The following TMOD1 variants were observed in gnomAD, a reference collection of about 807,000 sequenced individuals.
The protein encoded by TMOD1 is tropomodulin 1, also known as tropomodulin-1.
A neutral mutation model predicts 40.6 loss-of-function variants in TMOD1; 17 were observed. That is an observed-to-expected ratio of 0.42 (90% CI 0.29 to 0.63). The LOEUF (loss-of-function observed/expected upper bound fraction) is 0.63. Among genes scored for constraint, TMOD1 ranks in the 20% least tolerant of loss-of-function variants. The probability of loss-of-function intolerance (pLI) is 0.22; values close to 1 mark genes in which losing one functional copy is unlikely to be tolerated. For missense variants in TMOD1, 391 were observed against 447.6 expected, an observed-to-expected ratio of 0.87 and a Z score of 1.14; for synonymous variants, 181 against 175.0, an observed-to-expected ratio of 1.03 and a Z score of -0.27.
At chr9:97,571,792 T>C (rs778548487) in intron 8 of TMOD1, among the ~76,000 whole-genome samples, 41 of 152,356 alleles carry the variant, frequency 2.7e-4, no homozygotes, top group African/African-American at 9.1e-4. Flanking sequence ...TGGTTTCATG[T>C]GATGTCAGCC....
At chr9:97,511,587 CTTGTTTGT>C (rs1039180363) in intron 1 of TMOD1, among the ~76,000 whole-genome samples, 1 of 151,996 alleles carries the variant, frequency 6.6e-6, no homozygotes, top group Non-Finnish European at 1.5e-5. Flanking sequence ...TGTTTGTTTG[CTTGTTTGT>C]TTGTTTGTTT....
At chr9:97,527,926 C>T (rs961904928) in intron 2 of TMOD1, among the ~76,000 whole-genome samples, 1 of 152,124 alleles carries the variant, frequency 6.6e-6, no homozygotes, top group Admixed American at 6.5e-5. Context: ...AGGCTGTGAC[C>T]GCAAATAAGG....
chr9:97,566,160 A>G (rs1042277747), intron 7 of TMOD1, among the ~76,000 whole-genome samples: 13 of 152,158 alleles, frequency 8.5e-5, no homozygotes, highest in African/African-American at 3.1e-4. Flanking sequence ...CAATCCTCAC[A>G]CCCACTTCTG....
chr9:97,600,951 T>A lies in TMOD1; in HGVS notation c.*1253T>A. 4 of 1,134,218 alleles carry A rather than the reference T, an allele frequency of 3.5e-6. No individual in the cohort carries two copies. In the South Asian group the frequency reaches 7.6e-5, roughly 22 times the overall value. 70.3% of individuals were successfully genotyped at this position (1,134,218 alleles called of 1,614,324 possible). On this transcript the variant is annotated 3_prime_UTR_variant, in exon 10 of 10. Coordinates refer to ENST00000259365, the MANE Select transcript of TMOD1 (RefSeq NM_003275.4). Reference sequence around the variant, plus strand: ...TTTGGGAGTTATTTTCATTAGTGATTTCAGCAAATCTCATGATAAAGGACA... The same window carrying A: ...TTTGGGAGTTATTTTCATTAGTGATATCAGCAAATCTCATGATAAAGGACA...
chr9:97,509,146 C>T (rs1829651740), intron 1 of TMOD1, among the ~76,000 whole-genome samples: 1 of 152,216 alleles, frequency 6.6e-6, no homozygotes, highest in Admixed American at 6.5e-5. Flanking sequence ...TGAACTGAGA[C>T]AGAGTAAATC....
At chr9:97,525,228 T>C (rs1342233056) in intron 2 of TMOD1, among the ~76,000 whole-genome samples, 3 of 152,208 alleles carry the variant, frequency 2.0e-5, no homozygotes, top group Non-Finnish European at 2.9e-5. Flanking sequence ...GTAACTTAAA[T>C]ATTATAATGT....
intron 2 of TMOD1, among the ~76,000 whole-genome samples, chr9:97,529,365 T>C (rs1830065488): frequency 6.6e-6 from 1 of 152,116 alleles, no homozygotes; most frequent in Middle Eastern, 3.2e-3. Flanking sequence ...CCACATATGA[T>C]TTCTTTGAAC....
At chr9:97,548,556 C>T (rs1290421644) in intron 3 of TMOD1, among the ~76,000 whole-genome samples, 2 of 152,146 alleles carry the variant, frequency 1.3e-5, no homozygotes, top group Non-Finnish European at 2.9e-5. Context: ...TCCACTTCCT[C>T]ATGTACCCAC....
intron 2 of TMOD1, among the ~76,000 whole-genome samples, chr9:97,531,033 A>ACG (rs1554754335): frequency 2.6e-5 from 2 of 78,260 alleles, no homozygotes; most frequent in Non-Finnish European, 4.8e-5. Context: ...GGTGATCCAC[A>ACG]CCCACCCCCC....
At chr9:97,598,847 C>CA (rs1258243872) in intron 9 of TMOD1, among the ~76,000 whole-genome samples, 2 of 152,202 alleles carry the variant, frequency 1.3e-5, no homozygotes, top group Non-Finnish European at 2.9e-5. Context: ...TCTCTGCCAA[C>CA]ACCAGCAGGC....
intron 1 of TMOD1, among the ~76,000 whole-genome samples, chr9:97,507,945 C>A (rs1028492308): frequency 5.3e-5 from 8 of 152,080 alleles, no homozygotes; most frequent in African/African-American, 1.9e-4. Flanking sequence ...TCAGTCTGCA[C>A]AAGGCCAGGG....
intron 2 of TMOD1, among the ~76,000 whole-genome samples, chr9:97,530,510 C>CA (rs1306583747): frequency 1.4e-5 from 2 of 146,216 alleles, no homozygotes; most frequent in Non-Finnish European, 3.0e-5. Context: ...TTTTTTGAGA[C>CA]AGAGTCTCGC....
chr9:97,507,650 G>A (rs1291960835), intron 1 of TMOD1, among the ~76,000 whole-genome samples: 2 of 152,182 alleles, frequency 1.3e-5, no homozygotes, highest in African/African-American at 2.4e-5. Context: ...AAAAGTCCGG[G>A]TTAAGAGCAC....
rs1214038422 is a variant in TMOD1 at position 97,501,760 on chromosome 9, T to G, written c.-92T>G. On this transcript the variant is annotated 5_prime_UTR_variant, in exon 1 of 10. Transcript: ENST00000259365. ...TCCATCTGCCCGCCGCCCGCGCCTG[T>G]TCCGCAGCCCGCGTCCGCGCCGGCC... 2 of 152,476 alleles carry G rather than the reference T, an allele frequency of 1.3e-5. No homozygotes were observed. The highest frequency in any genetic ancestry group is 2.9e-5 in the Non-Finnish European group (2 of 68,484). The allele number at this position is 152,476 out of a possible 1,614,324, so 9.4% of individuals were successfully genotyped here.
At chr9:97,599,143 C>A (rs1470794107) in intron 9 of TMOD1, among the ~76,000 whole-genome samples, 1 of 152,046 alleles carries the variant, frequency 6.6e-6, no homozygotes, top group Non-Finnish European at 1.5e-5. Flanking sequence ...GGGAAAATGG[C>A]AAGGTTAAAC....
At chr9:97,506,960 TTAA>T (rs1829600877) in intron 1 of TMOD1, among the ~76,000 whole-genome samples, 1 of 152,192 alleles carries the variant, frequency 6.6e-6, no homozygotes, top group Non-Finnish European at 1.5e-5. Context: ...GAAAATAAAC[TTAA>T]TAATTCCTAA....
intron 2 of TMOD1, 46 bp downstream of exon 2, chr9:97,524,354 C>T: frequency 6.3e-7 from 1 of 1,596,738 alleles, no homozygotes. Flanking sequence ...GCGAGGGGAC[C>T]TGGGGAGGGA....
chr9:97,509,524 T>G (rs1381122036), intron 1 of TMOD1, among the ~76,000 whole-genome samples: 1 of 150,818 alleles, frequency 6.6e-6, no homozygotes, highest in Non-Finnish European at 1.5e-5. Flanking sequence ...TTTTTGTTTT[T>G]TTTTTAGACA....
chr9:97,600,955 G>C lies in TMOD1; in HGVS notation c.*1257G>C. The C allele has an allele frequency of 8.8e-7, 1 of 1,138,684 alleles. No individual in the cohort carries two copies. Among genetic ancestry groups the C allele is most frequent in the Non-Finnish European group, 1.1e-6 (1 of 904,240 alleles). 70.5% of individuals were successfully genotyped at this position (1,138,684 alleles called of 1,614,324 possible). ...GGAGTTATTTTCATTAGTGATTTCA[G>C]CAAATCTCATGATAAAGGACAAGGT... On this transcript the variant is annotated 3_prime_UTR_variant, in exon 10 of 10. Transcript: ENST00000259365.
Sources: allele counts gnomAD v4.1 joint callset (sites outside exome capture counted in the v4.1 genomes callset), GRCh38; gene constraint gnomAD v4.1.1; transcripts MANE v1.5; gene names NCBI Gene and HGNC (gene_info 2026-07-23, HGNC 2026-07-21).